PRKCE: variants seen among roughly 807,000 people sequenced by gnomAD.
PRKCE encodes protein kinase C epsilon type.
A neutral mutation model predicts 85.4 loss-of-function variants in PRKCE; 16 were observed. The ratio of observed to expected loss-of-function variants is 0.19; its 90% CI spans 0.13 to 0.28. The LOEUF is 0.28. Among genes scored for constraint, PRKCE ranks in the 10% least tolerant of loss-of-function variants. PRKCE has a pLI of 1.00. For missense variants in PRKCE, 573 were observed against 975.2 expected (o/e 0.59, Z 5.49); for synonymous variants, 388 against 371.5 (o/e 1.04, Z -0.51).
chr2:46,026,930 G>A (rs1026713193), intron 10 of PRKCE, among the ~76,000 whole-genome samples: 3 of 152,222 alleles, frequency 2.0e-5, no homozygotes, highest in Admixed American at 6.5e-5. Context: ...GTTCATGTCT[G>A]TAGTCCCAAC....
intron 10 of PRKCE, among the ~76,000 whole-genome samples, chr2:46,071,242 T>C (rs975173774): frequency 6.6e-5 from 10 of 152,256 alleles, no homozygotes; most frequent in Non-Finnish European, 8.8e-5. Context: ...TCCAAAGAGA[T>C]TGTAGCCTTT....
At chr2:46,119,839 T>G (rs1288488262) in intron 11 of PRKCE, among the ~76,000 whole-genome samples, 2 of 152,242 alleles carry the variant, frequency 1.3e-5, no homozygotes, top group Admixed American at 6.5e-5. Flanking sequence ...GGCTTCAGGA[T>G]TCTCAACTCC....
At chr2:45,812,632 C>G (rs950447048) in intron 1 of PRKCE, among the ~76,000 whole-genome samples, 2 of 152,230 alleles carry the variant, frequency 1.3e-5, no homozygotes, top group Non-Finnish European at 2.9e-5. Context: ...ACGTAAAACA[C>G]TTATTACGCC....
chr2:45,700,980 G>A (rs1678593569), intron 1 of PRKCE, among the ~76,000 whole-genome samples: 1 of 152,122 alleles, frequency 6.6e-6, no homozygotes, highest in South Asian at 2.1e-4. Flanking sequence ...GAGGGAGTGT[G>A]GCCTTGCTAA....
chr2:46,002,984 G>A (rs1704829530), intron 7 of PRKCE, among the ~76,000 whole-genome samples: 1 of 152,202 alleles, frequency 6.6e-6, no homozygotes. Context: ...CCAGCTGTGA[G>A]ACATTGTCTG....
At chr2:46,077,742 C>G (rs761479684) in intron 10 of PRKCE, among the ~76,000 whole-genome samples, 5 of 152,190 alleles carry the variant, frequency 3.3e-5, no homozygotes, top group Admixed American at 3.3e-4. Context: ...AGATGAGACT[C>G]TTTCATTCTG....
At chr2:46,047,451 G>A (rs1001563720) in intron 10 of PRKCE, among the ~76,000 whole-genome samples, 8 of 152,226 alleles carry the variant, frequency 5.3e-5, no homozygotes, top group Non-Finnish European at 1.0e-4. Flanking sequence ...GTTCTGGGAG[G>A]TGATTGTACC....
chr2:46,184,952 C>T lies in PRKCE; in HGVS notation c.*71C>T, dbSNP rs1680348757. The T allele has an allele frequency of 3.2e-6, 5 of 1,563,708 alleles. No individual in the cohort carries two copies. The South Asian group carries it at 5.7e-5, about 18-fold the overall frequency. ...AGAGAAGACTCCTGTGTTGGAGACA[C>T]TCAGCAGGTCTTGAACTACTTCTCC... On this transcript the variant is annotated 3_prime_UTR_variant, in exon 15 of 15. Transcript: ENST00000306156. This position sits in a 1 kb window ranked among gnomAD's most constrained non-coding sequence, Gnocchi z 5.0.
intron 1 of PRKCE, among the ~76,000 whole-genome samples, chr2:45,760,052 T>A (rs1684334004): frequency 6.6e-6 from 1 of 152,202 alleles, no homozygotes; most frequent in African/African-American, 2.4e-5. Flanking sequence ...AGGAAAGGGC[T>A]GTAACAGCTG....
At chr2:46,062,668 CTTTTTTTTTT>C (rs71394871) in intron 10 of PRKCE, among the ~76,000 whole-genome samples, 106 of 73,302 alleles carry the variant, frequency 1.4e-3, no homozygotes, top group African/African-American at 5.7e-3. Context: ...AAAGCTCAGC[CTTTTTTTTTT>C]TTTTTTTTTT....
chr2:45,752,292 G>C (rs1573204375), intron 1 of PRKCE, among the ~76,000 whole-genome samples: 1 of 152,310 alleles, frequency 6.6e-6, no homozygotes, highest in East Asian at 1.9e-4. Context: ...GAGACACAAA[G>C]AAGTTAATTT....
chr2:46,042,804 T>G (rs1056101835), intron 10 of PRKCE, among the ~76,000 whole-genome samples: 2 of 152,226 alleles, frequency 1.3e-5, no homozygotes, highest in African/African-American at 2.4e-5. Flanking sequence ...GAATGGTAAC[T>G]CCAGCCTGAC....
intron 10 of PRKCE, among the ~76,000 whole-genome samples, chr2:46,017,959 C>T (rs1023317753): frequency 1.3e-5 from 2 of 152,212 alleles, no homozygotes; most frequent in Admixed American, 1.3e-4. Flanking sequence ...AAATTCTCCA[C>T]TTCAAATAGC....
At chr2:45,783,290 G>A (rs1464397948) in intron 1 of PRKCE, among the ~76,000 whole-genome samples, 3 of 152,166 alleles carry the variant, frequency 2.0e-5, no homozygotes, top group East Asian at 1.9e-4. Context: ...TAAGAATGCC[G>A]GTGCTCTGGG....
intron 2 of PRKCE, among the ~76,000 whole-genome samples, chr2:45,853,075 A>C (rs954847255): frequency 6.6e-6 from 1 of 152,230 alleles, no homozygotes; most frequent in Non-Finnish European, 1.5e-5. Context: ...GGAAATGTGC[A>C]GATTTTTCTT....
chr2:45,883,704 G>T (rs904155013), intron 2 of PRKCE, among the ~76,000 whole-genome samples: 6 of 152,198 alleles, frequency 3.9e-5, no homozygotes, highest in Middle Eastern at 3.2e-3. Flanking sequence ...ATGTCAGTCA[G>T]TTCCTTAGGA....
chr2:45,769,415 C>T (rs755011240), intron 1 of PRKCE, among the ~76,000 whole-genome samples: 1 of 152,058 alleles, frequency 6.6e-6, no homozygotes, highest in Admixed American at 6.5e-5. Flanking sequence ...ATGTACATAT[C>T]TGCATCTGTG....
intron 2 of PRKCE, among the ~76,000 whole-genome samples, chr2:45,939,847 C>G (rs550447634): frequency 9.1e-4 from 139 of 152,342 alleles, no homozygotes; most frequent in African/African-American, 3.2e-3. Context: ...GCCACCATGC[C>G]TGGCCCGCTA....
At chr2:45,832,580 G>T (rs578123064) in intron 1 of PRKCE, among the ~76,000 whole-genome samples, 31 of 152,010 alleles carry the variant, frequency 2.0e-4, no homozygotes, top group African/African-American at 5.8e-4. Context: ...CAAAGTGCTG[G>T]GATTACAGGC....
Sources: allele counts gnomAD v4.1 joint callset (sites outside exome capture counted in the v4.1 genomes callset), GRCh38; gene constraint gnomAD v4.1.1; non-coding constraint Gnocchi (gnomAD v3.1); transcripts MANE v1.5; gene names NCBI Gene and HGNC (gene_info 2026-07-23, HGNC 2026-07-21).